The following PTPRG variants were observed in gnomAD, a reference collection of about 807,000 sequenced individuals.
The protein encoded by PTPRG is protein tyrosine phosphatase receptor type G, also known as receptor-type tyrosine-protein phosphatase gamma.
A neutral mutation model predicts 165.3 loss-of-function variants in PTPRG; 102 were observed. The observed-to-expected ratio is 0.62, with a 90% CI of 0.53 to 0.73. The LOEUF is 0.73. Among genes scored for constraint, PTPRG ranks in the 30% least tolerant of loss-of-function variants. The pLI is 0.00. For missense variants in PTPRG, 1,866 were observed against 1,861.4 expected, an observed-to-expected ratio of 1.00 and a Z score of -0.05; for synonymous variants, 675 against 669.5, an observed-to-expected ratio of 1.01 and a Z score of -0.13.
intron 3 of PTPRG, 92 bp downstream of exon 3, chr3:61,989,896 A>G: frequency 7.9e-6 from 11 of 1,386,892 alleles, no homozygotes; most frequent in East Asian, 2.4e-5. Flanking sequence ...TGCTCCTTAA[A>G]TAGTGCACAT....
intron 1 of PTPRG, among the ~76,000 whole-genome samples, chr3:61,740,417 A>G (rs1354512676): frequency 6.6e-6 from 1 of 152,194 alleles, no homozygotes; most frequent in Non-Finnish European, 1.5e-5. Context: ...AATCAGTTTT[A>G]TAAGTGTATC....
chr3:61,738,955 G>A (rs567156849), intron 1 of PTPRG, among the ~76,000 whole-genome samples: 19 of 141,514 alleles, frequency 1.3e-4, no homozygotes, highest in Middle Eastern at 3.7e-3. Flanking sequence ...TGTAGAGATG[G>A]GGTCTTGCTC....
chr3:62,281,716 T>G lies in PTPRG; in HGVS notation c.3912+7T>G. ...TATCCTTGAAGCTACACAGGTAACC[T>G]AAACCTCAGTTCCTCACTAATAGCC... On this transcript the variant is annotated splice_region_variant and intron_variant, in intron 27 of 29. Coordinates refer to ENST00000474889, the MANE Select transcript of PTPRG (RefSeq NM_002841.4). 1 of 1,607,972 alleles carries G rather than the reference T, an allele frequency of 6.2e-7. No homozygotes were observed. Among genetic ancestry groups the G allele is most frequent in the Non-Finnish European group, 8.5e-7 (1 of 1,176,688 alleles).
intron 1 of PTPRG, among the ~76,000 whole-genome samples, chr3:61,565,321 T>C (rs1309040120): frequency 6.6e-6 from 1 of 152,198 alleles, no homozygotes; most frequent in Non-Finnish European, 1.5e-5. Flanking sequence ...AAACATGATA[T>C]TAGGCATATT....
rs894951012 is a variant in PTPRG at position 62,195,747 on chromosome 3, A to G, written c.1327+577A>G. Reference sequence around the variant, plus strand: ...TTTGCTCAAAATTTTAAGGGGCACCAAAAAATTGAGTGACCAAGAGACATA... The same window carrying G: ...TTTGCTCAAAATTTTAAGGGGCACCGAAAAATTGAGTGACCAAGAGACATA... On this transcript the variant is annotated intron_variant, in intron 10 of 29. Coordinates refer to ENST00000474889, the MANE Select transcript of PTPRG (RefSeq NM_002841.4). The surrounding 1 kb of genome is among the most constrained non-coding windows in gnomAD (Gnocchi z 4.4). Among the ~76,000 whole-genome samples, 5 of 152,156 alleles carry G rather than the reference A, an allele frequency of 3.3e-5. No homozygotes were observed. The highest frequency in any genetic ancestry group is 1.3e-4 in the Admixed American group (2 of 15,274).
At chr3:61,969,458 C>T (rs549066187) in intron 2 of PTPRG, among the ~76,000 whole-genome samples, 5 of 152,132 alleles carry the variant, frequency 3.3e-5, no homozygotes, top group Non-Finnish European at 7.3e-5. Context: ...TTTGGGTACA[C>T]AGTAGTCCCG....
Position 61,592,259 on chromosome 3 carries a change from G to A in PTPRG, c.85+29887G>A, listed in dbSNP as rs574700610. 3.1e-4 allele frequency among the ~76,000 whole-genome samples: 47 copies of A among 152,080 alleles called. 1 individual carries two copies. In the South Asian group the frequency reaches 9.6e-3, roughly 31 times the overall value. ...TGGGATTACAGGTGTGAGCCACCGCGTCCAGCAGTGGAGTGCTAATTGTTA... is the reference window on the plus strand; with the variant it reads ...TGGGATTACAGGTGTGAGCCACCGCATCCAGCAGTGGAGTGCTAATTGTTA... On this transcript the variant is annotated intron_variant, in intron 1 of 29. Transcript: ENST00000474889.
chr3:61,960,039 G>A (rs1269247668), intron 2 of PTPRG, among the ~76,000 whole-genome samples: 2 of 152,058 alleles, frequency 1.3e-5, no homozygotes, highest in Non-Finnish European at 2.9e-5. Context: ...CTCAGCTTAC[G>A]TGCCACCTTC....
chr3:62,086,639 C>T (rs916598245), intron 5 of PTPRG, among the ~76,000 whole-genome samples: 2 of 152,166 alleles, frequency 1.3e-5, no homozygotes, highest in African/African-American at 4.8e-5. Context: ...CACTACATTA[C>T]CTAGAAGTGC....
chr3:61,867,262 G>A (rs1010419250), intron 2 of PTPRG, among the ~76,000 whole-genome samples: 5 of 152,174 alleles, frequency 3.3e-5, no homozygotes, highest in African/African-American at 1.2e-4. Context: ...AATTGCATGT[G>A]GAGCCATACC....
chr3:62,024,568 C>A (rs1287230244), intron 4 of PTPRG, among the ~76,000 whole-genome samples: 1 of 152,156 alleles, frequency 6.6e-6, no homozygotes, highest in African/African-American at 2.4e-5. Flanking sequence ...TAAGTCAAGT[C>A]AGAGTTGATA....
intron 2 of PTPRG, among the ~76,000 whole-genome samples, chr3:61,830,407 C>T (rs1202311757): frequency 6.6e-6 from 1 of 151,620 alleles, no homozygotes; most frequent in Non-Finnish European, 1.5e-5. Flanking sequence ...ATCTGTCAAT[C>T]TCTCCAACTG....
chr3:62,296,439 TTAAAA>T lies in PTPRG; in HGVS notation c.*3135_*3139del, dbSNP rs978805605. On this transcript the variant is annotated 3_prime_UTR_variant, in exon 30 of 30. Coordinates refer to ENST00000474889, the MANE Select transcript of PTPRG (RefSeq NM_002841.4). ...AAATGCATATATACTGTATTTAAAA[TTAAAA>T]TATAGATACCAATTTACCAAAGATA... is the stretch of plus-strand genomic sequence containing the variant. 9 of 151,838 alleles carry T rather than the reference TTAAAA, an allele frequency of 5.9e-5. No homozygotes were observed. The South Asian group carries it at 1.2e-3, about 21-fold the overall frequency. 9.4% of individuals were successfully genotyped at this position (151,838 alleles called of 1,614,324 possible).
At chr3:61,562,615 G>A (rs1010003889) in intron 1 of PTPRG, among the ~76,000 whole-genome samples, 1 of 151,988 alleles carries the variant, frequency 6.6e-6, no homozygotes, top group African/African-American at 2.4e-5. Flanking sequence ...GGGACGCGGG[G>A]GTCTGCTCCC....
intron 4 of PTPRG, among the ~76,000 whole-genome samples, chr3:62,014,012 C>A (rs376571319): frequency 6.6e-6 from 1 of 152,138 alleles, no homozygotes. Context: ...TGTGTATCAG[C>A]AACACCACCA....
At position 62,229,386 on chromosome 3, in the gene PTPRG, T is replaced by G. The variant is rs575547971; in HGVS notation, c.2289-1839T>G. Reference sequence around the variant, plus strand: ...CAGAATTCACGAGAGCTGTCAGTTGTTATAGTAACCGGCCCCCTGCTGTCG... The same window carrying G: ...CAGAATTCACGAGAGCTGTCAGTTGGTATAGTAACCGGCCCCCTGCTGTCG... On this transcript the variant is annotated intron_variant, in intron 13 of 29. Transcript: ENST00000474889. This position sits in a 1 kb window ranked among gnomAD's most constrained non-coding sequence, Gnocchi z 4.6. 6.6e-6 allele frequency among the ~76,000 whole-genome samples: 1 copy of G among 152,314 alleles called. No individual in the cohort carries two copies. Among genetic ancestry groups the G allele is most frequent in the South Asian group, 2.1e-4 (1 of 4,818 alleles).
At chr3:61,814,249 G>A (rs978174329) in intron 2 of PTPRG, among the ~76,000 whole-genome samples, 2 of 152,236 alleles carry the variant, frequency 1.3e-5, no homozygotes, top group South Asian at 2.1e-4. Context: ...AAGCTAAGGC[G>A]CCTTTCTAAA....
intron 4 of PTPRG, among the ~76,000 whole-genome samples, chr3:62,020,151 T>G (rs1280307570): frequency 6.6e-6 from 1 of 152,162 alleles, no homozygotes; most frequent in Admixed American, 6.5e-5. Context: ...GAAAACATAG[T>G]CAATATCAAA....
chr3:61,734,022 TC>T (rs1323508387), intron 1 of PTPRG, among the ~76,000 whole-genome samples: 1 of 152,200 alleles, frequency 6.6e-6, no homozygotes, highest in Non-Finnish European at 1.5e-5. Context: ...GCTCAAGTGA[TC>T]CGCCTGCCTC....
Sources: gnomAD v4.1 joint callset for allele counts (sites outside exome capture counted in the v4.1 genomes callset) on GRCh38, gnomAD v4.1.1 for gene constraint, Gnocchi (gnomAD v3.1) non-coding constraint, MANE v1.5 for transcripts, NCBI Gene and HGNC (gene_info 2026-07-23, HGNC 2026-07-21) for gene names.